The following EHMT2 variants were observed in gnomAD, a reference collection of about 807,000 sequenced individuals.
EHMT2 encodes the protein euchromatic histone lysine methyltransferase 2, also known as histone-lysine N-methyltransferase EHMT2.
A neutral mutation model predicts 143.3 loss-of-function variants in EHMT2; 59 were observed. The observed-to-expected ratio is 0.41, with a 90% CI of 0.33 to 0.51. The LOEUF (loss-of-function observed/expected upper bound fraction) is 0.51. Among genes scored for constraint, EHMT2 ranks in the 20% least tolerant of loss-of-function variants. The probability of loss-of-function intolerance (pLI) is 0.18; values close to 1 mark genes in which losing one functional copy is unlikely to be tolerated. For synonymous variants in EHMT2, 604 were observed against 651.5 expected (o/e 0.93, Z 1.11); for missense variants, 1,174 against 1,645.9 (o/e 0.71, Z 4.96).
rs1226912726 is a variant in EHMT2 at position 31,888,576 on chromosome 6, C to T, written c.1365+23G>A. The T allele has an allele frequency of 2.5e-6, 4 of 1,610,678 alleles. No homozygotes were observed. Among genetic ancestry groups the T allele is most frequent in the Admixed American group, 1.7e-5 (1 of 59,950 alleles). The stretch of plus-strand genomic sequence containing the variant: ...CCGGGGACTGGACGCCCTGGCACCT[C>T]TCCCACCAGCCCACGGCCCCACCTC... On this transcript the variant is annotated intron_variant, in intron 11 of 27. Transcript: ENST00000375537. The surrounding 1 kb of genome is among the most constrained non-coding windows in gnomAD (Gnocchi z 7.4).
chr6:31,883,558 G>T lies in EHMT2; in HGVS notation c.2917-119C>A. Reference sequence around the variant, plus strand: ...TTTGGGGTCCATGTGTTACAACAGTGGGTGGTGATGGTCCTAGGGTGACGG... The same window carrying T: ...TTTGGGGTCCATGTGTTACAACAGTTGGTGGTGATGGTCCTAGGGTGACGG... On this transcript the variant is annotated intron_variant, in intron 22 of 27. Transcript: ENST00000375537. This position sits in a 1 kb window ranked among gnomAD's most constrained non-coding sequence, Gnocchi z 5.6. The T allele has an allele frequency of 8.9e-7, 1 of 1,120,820 alleles. No homozygotes were observed. Among genetic ancestry groups the T allele is most frequent in the Non-Finnish European group, 1.3e-6 (1 of 761,084 alleles). The allele number at this position is 1,120,820 out of a possible 1,614,324, so 69.4% of individuals were successfully genotyped here. A position where few individuals can be genotyped will look rare whatever the true frequency, so the allele number is the denominator to read the frequency against.
chr6:31,891,566 G>A (rs1186659625), intron 7 of EHMT2, among the ~76,000 whole-genome samples: 1 of 152,192 alleles, frequency 6.6e-6, no homozygotes, highest in Non-Finnish European at 1.5e-5. Context: ...AATGGCTGGA[G>A]CTGTGTATTG....
At chr6:31,896,807 C>T (rs778536561) in exon 3 of EHMT2, 2 of 1,612,922 alleles carry the variant, frequency 1.2e-6, no homozygotes, top group Non-Finnish European at 8.5e-7. Flanking sequence ...CGAGGGGTGT[C>T]CCCCAAAGAG....
chr6:31,896,053 A>G (rs1285348149), intron 4 of EHMT2: 1 of 581,546 alleles, frequency 1.7e-6, no homozygotes, highest in African/African-American at 1.9e-5. Context: ...ACTCTTTAAC[A>G]TCAAACTTTC....
intron 15 of EHMT2, 60 bp from the exon 16 acceptor site, chr6:31,887,161 G>T: frequency 7.0e-7 from 1 of 1,419,482 alleles, no homozygotes; most frequent in Non-Finnish European, 9.7e-7. Flanking sequence ...AAGCTAGGGG[G>T]CAGGTGGCAC....
chr6:31,880,354 GAC>G lies in EHMT2; in HGVS notation c.3453-92_3453-91del, dbSNP rs1284404336. 6.9e-7 allele frequency: 1 copy of G among 1,440,764 alleles called. No individual in the cohort carries two copies. The highest frequency in any genetic ancestry group is 9.4e-7 in the Non-Finnish European group (1 of 1,058,222). The allele number at this position is 1,440,764 out of a possible 1,614,324, so 89.2% of individuals were successfully genotyped here. A position where few individuals can be genotyped will look rare whatever the true frequency, so the allele number is the denominator to read the frequency against. On this transcript the variant is annotated intron_variant, in intron 27 of 27. Transcript: ENST00000375537. This position sits in a 1 kb window ranked among gnomAD's most constrained non-coding sequence, Gnocchi z 6.6. ...CCTGTGGATCCTGCTCCCTGAGAGG[GAC>G]CCGACACCCAACCTATCTTCTCCAG...
intron 18 of EHMT2, chr6:31,885,904 T>A (rs980438086): frequency 5.9e-5 from 9 of 152,038 alleles, no homozygotes; most frequent in African/African-American, 2.2e-4. Flanking sequence ...CTGGCCAATA[T>A]GGTGAAACCC....
rs540570298 is a variant in EHMT2 at position 31,884,186 on chromosome 6, A to C, written c.2771+206T>G. On this transcript the variant is annotated intron_variant, in intron 21 of 27. Coordinates refer to ENST00000375537, the Ensembl canonical transcript of EHMT2. This position sits in a 1 kb window ranked among gnomAD's most constrained non-coding sequence, Gnocchi z 7.3. ...ACACTAAAAAAGTATGCATCTGTGC[A>C]TCTGAAATTCCAGTTTAACTGGGTG... The C allele has an allele frequency of 2.8e-6, 2 of 714,250 alleles. No homozygotes were observed. The highest frequency in any genetic ancestry group is 3.6e-5 in the African/African-American group (2 of 55,978). 44.2% of individuals were successfully genotyped at this position (714,250 alleles called of 1,614,324 possible). A position where few individuals can be genotyped will look rare whatever the true frequency, so the allele number is the denominator to read the frequency against.
At position 31,888,871 on chromosome 6, in the gene EHMT2, A is replaced by T; in HGVS notation, c.1216+98T>A. ...GCCCCAGAACCCCTAAAGCCTGGCC[A>T]TGGACACCCCGGCTCTGGCGTGGTT... On this transcript the variant is annotated intron_variant, in intron 10 of 27. Transcript: ENST00000375537. This position sits in a 1 kb window ranked among gnomAD's most constrained non-coding sequence, Gnocchi z 7.4. 1 of 1,457,044 alleles carries T rather than the reference A, an allele frequency of 6.9e-7. No individual in the cohort carries two copies. The highest frequency in any genetic ancestry group is 9.3e-7 in the Non-Finnish European group (1 of 1,072,274). 90.3% of individuals were successfully genotyped at this position (1,457,044 alleles called of 1,614,324 possible).
At position 31,883,166 on chromosome 6, in the gene EHMT2, G is replaced by T; in HGVS notation, c.2995-157C>A. 1 of 859,122 alleles carries T rather than the reference G, an allele frequency of 1.2e-6. No individual in the cohort carries two copies. The highest frequency in any genetic ancestry group is 1.9e-6 in the Non-Finnish European group (1 of 536,112). 53.2% of individuals were successfully genotyped at this position (859,122 alleles called of 1,614,324 possible). The stretch of plus-strand genomic sequence containing the variant: ...CACGAAATGCAGGAGCATCATCCCT[G>T]GTTTGCATAGACCTGGGCACACGCC... On this transcript the variant is annotated intron_variant, in intron 23 of 27. Transcript: ENST00000375537. The surrounding 1 kb of genome is among the most constrained non-coding windows in gnomAD (Gnocchi z 5.6).
intron 4 of EHMT2, among the ~76,000 whole-genome samples, chr6:31,894,193 C>G (rs1000861409): frequency 2.6e-5 from 4 of 151,834 alleles, no homozygotes; most frequent in African/African-American, 4.8e-5. Context: ...GTTGTCCAGG[C>G]TGGAGTGCAA....
In EHMT2 at chr6:31,883,508, CT is replaced by C. The variant is rs1396495029; in HGVS notation, c.2917-70del. 1.9e-5 allele frequency: 28 copies of C among 1,480,376 alleles called. No individual in the cohort carries two copies. The Admixed American group carries it at 2.8e-4, about 15-fold the overall frequency. The allele number at this position is 1,480,376 out of a possible 1,614,324, so 91.7% of individuals were successfully genotyped here. On this transcript the variant is annotated intron_variant, in intron 22 of 27. Transcript: ENST00000375537. This position sits in a 1 kb window ranked among gnomAD's most constrained non-coding sequence, Gnocchi z 5.6. The stretch of plus-strand genomic sequence containing the variant: ...TGGGCCCCTCTACTCTTGATGCCCC[CT>C]GACCCCCTAACCACTGTCCTTTCTT...
chr6:31,883,042 TG>T lies in EHMT2; in HGVS notation c.2995-34del. On this transcript the variant is annotated intron_variant, in intron 23 of 27. Coordinates refer to ENST00000375537, the Ensembl canonical transcript of EHMT2. This position sits in a 1 kb window ranked among gnomAD's most constrained non-coding sequence, Gnocchi z 5.6. ...GCGGAGGGGAGGATAGTGGTTTCTC[TG>T]TGGGGCCCACCTCAGCTGCCCACCC... 2.5e-6 allele frequency: 4 copies of T among 1,591,988 alleles called. No homozygotes were observed. The highest frequency in any genetic ancestry group is 3.4e-6 in the Non-Finnish European group (4 of 1,163,460).
Position 31,889,649 on chromosome 6 carries a change from A to G in EHMT2, c.865-47T>C, listed in dbSNP as rs372270353. The G allele has an allele frequency of 8.1e-6, 13 of 1,602,822 alleles. No individual in the cohort carries two copies. In the African/African-American group the frequency reaches 1.3e-4, roughly 16 times the overall value. On this transcript the variant is annotated intron_variant, in intron 7 of 27. Coordinates refer to ENST00000375537, the Ensembl canonical transcript of EHMT2. The surrounding 1 kb of genome is among the most constrained non-coding windows in gnomAD (Gnocchi z 5.1). ...CATATCCAACCCCCAGGACTCAGAC[A>G]ATGAGGTGAGTAAAGAAAACCACCA...
At position 31,895,804 on chromosome 6, in the gene EHMT2, G is replaced by A. The variant is rs114377175; in HGVS notation, c.582+459C>T. On this transcript the variant is annotated intron_variant, in intron 4 of 27. Coordinates refer to ENST00000375537, the Ensembl canonical transcript of EHMT2. ...TTTCCTTTAGGTCAACAATAGGTAT[G>A]ACCCAAGAACCCTAGAACTTGGTCA... 4.5e-3 allele frequency: 733 copies of A among 161,296 alleles called. 5 individuals carry two copies. The highest frequency in any genetic ancestry group is 0.014 in the African/African-American group (586 of 41,908). 10.0% of individuals were successfully genotyped at this position (161,296 alleles called of 1,614,324 possible). A position where few individuals can be genotyped will look rare whatever the true frequency, so the allele number is the denominator to read the frequency against.
intron 1 of EHMT2, chr6:31,897,304 G>T: frequency 5.1e-6 from 3 of 586,376 alleles, no homozygotes; most frequent in Non-Finnish European, 7.0e-6. Flanking sequence ...TTGTCCCCCA[G>T]GCCGCGGGGA....
chr6:31,886,239 A>C, intron 18 of EHMT2: 1 of 283,500 alleles, frequency 3.5e-6, no homozygotes, highest in Non-Finnish European at 6.6e-6. Context: ...AGGCCTCTTA[A>C]AGGGGCTTCT....
In EHMT2 at chr6:31,892,927, A is replaced by T. The variant is rs1281580027; in HGVS notation, c.583-17T>A. ...GACCGGGGGCTGTGGGCCGAGAGGG[A>T]GCACACTGAGGGTCAGAGAGCACCT... On this transcript the variant is annotated splice_polypyrimidine_tract_variant and intron_variant, in intron 4 of 27. Transcript: ENST00000375537. 1 of 1,541,144 alleles carries T rather than the reference A, an allele frequency of 6.5e-7. No individual in the cohort carries two copies. Among genetic ancestry groups the T allele is most frequent in the Non-Finnish European group, 8.8e-7 (1 of 1,140,938 alleles).
intron 4 of EHMT2, chr6:31,895,858 C>T (rs1766340814): frequency 5.6e-6 from 1 of 179,162 alleles, no homozygotes; most frequent in Non-Finnish European, 1.2e-5. Context: ...TGTCACTTCC[C>T]TCCTCTATTA....
Sources: gnomAD v4.1 joint callset for allele counts (sites outside exome capture counted in the v4.1 genomes callset) on GRCh38, gnomAD v4.1.1 for gene constraint, Gnocchi (gnomAD v3.1) non-coding constraint, MANE v1.5 for transcripts, NCBI Gene and HGNC (gene_info 2026-07-23, HGNC 2026-07-21) for gene names.